The following PNMA8A variants were observed in gnomAD, a reference collection of about 807,000 sequenced individuals.
PNMA8A encodes the protein PNMA family member 8A.
Under a neutral mutation model 26.6 loss-of-function variants are expected in PNMA8A, and 17 were observed. The observed-to-expected ratio is 0.64, with a 90% CI of 0.44 to 0.96. PNMA8A has a LOEUF of 0.96. Ranked by LOEUF, PNMA8A falls within the 40% of genes least tolerant of loss-of-function variation. The pLI, the probability that PNMA8A is intolerant of heterozygous loss-of-function variation, is 0.00. For missense variants in PNMA8A, 532 were observed against 488.4 expected (o/e 1.09, Z -0.84); for synonymous variants, 224 against 182.0 (o/e 1.23, Z -1.86).
At position 46,468,560 on chromosome 19, in the gene PNMA8A, ATCAAACCTT is replaced by A; in HGVS notation, c.1312_1320del (p.Lys438_Ter440delextTer7). On this transcript the variant is annotated stop_lost and inframe_deletion, in exon 3 of 3. Transcript: ENST00000313683. Reference sequence around the variant, plus strand: ...CTCCTCAGTATGGGTGGTCCCCCAGATCAAACCTTTCTGGATTCTGCAAATAAATGAGAG... The same window carrying A: ...CTCCTCAGTATGGGTGGTCCCCCAGATCTGGATTCTGCAAATAAATGAGAG... 1 of 1,613,112 alleles carries A rather than the reference ATCAAACCTT, an allele frequency of 6.2e-7. No homozygotes were observed. The highest frequency in any genetic ancestry group is 8.5e-7 in the Non-Finnish European group (1 of 1,179,074).
In PNMA8A at chr19:46,470,250, G is replaced by A; in HGVS notation, c.786C>T (p.Gly262=). The change falls in exon 2 of 3, where the codon GGC becomes GGT. Residue 262 remains glycine, a synonymous_variant. Transcript: ENST00000313683. ...AGTTAGCTGTGCTGTTGGAATTGAT[G>A]CCTTTGGGTTTTTTCCAGGGCACTG... is the stretch of plus-strand genomic sequence containing the variant. ...QEAVPWKKPK[G]INSNSTANLE... 1 of 1,614,046 alleles carries A rather than the reference G, an allele frequency of 6.2e-7. No homozygotes were observed. Among genetic ancestry groups the A allele is most frequent in the South Asian group, 1.1e-5 (1 of 91,084 alleles).
In PNMA8A at chr19:46,470,919, A is replaced by G; in HGVS notation, c.117T>C (p.Ile39=). ...GIPEDCGQAE[I]EETLNGVLSP... ...AGAGGACCCCATTCAAGGTCTCCTCAATTTCTGCCTGCCCACAGTCCTCTG... is the reference window on the plus strand; with the variant it reads ...AGAGGACCCCATTCAAGGTCTCCTCGATTTCTGCCTGCCCACAGTCCTCTG... Residue 39 remains isoleucine, a synonymous_variant, in exon 2 of 3, where the codon ATT becomes ATC. Coordinates refer to ENST00000313683, the MANE Select transcript of PNMA8A (RefSeq NM_018215.4). 2 of 780,930 alleles carry G rather than the reference A, an allele frequency of 2.6e-6. No individual in the cohort carries two copies. Among genetic ancestry groups the G allele is most frequent in the Non-Finnish European group, 4.8e-6 (2 of 418,106 alleles). The allele number at this position is 780,930 out of a possible 1,614,324, so 48.4% of individuals were successfully genotyped here. A position where few individuals can be genotyped will look rare whatever the true frequency, so the allele number is the denominator to read the frequency against.
Position 46,470,709 on chromosome 19 carries a change from AT to A in PNMA8A, c.326del (p.Asn109IlefsTer2). The A allele has an allele frequency of 9.4e-7, 1 of 1,058,908 alleles. No individual in the cohort carries two copies. The highest frequency in any genetic ancestry group is 1.5e-6 in the Non-Finnish European group (1 of 672,336). The allele number at this position is 1,058,908 out of a possible 1,614,324, so 65.6% of individuals were successfully genotyped here. ...CCTCGGCATCCAGGAATTCATTCAG[AT>A]TTTTTAAAAACTCGGCATCCTGGGT... The part of the protein sequence containing the change: ...DPTQDAEFLK[N>X]LNEFLDAEGR... On this transcript the variant is annotated frameshift_variant, in exon 2 of 3. Transcript: ENST00000313683. LOFTEE classifies it high-confidence loss of function.
chr19:46,467,108 G>A lies in PNMA8A; in HGVS notation c.*1453C>T, dbSNP rs1432618209. ...GAAACTCAATTTTAAGCAAAGAGAT[G>A]CCTGAAATAACTAAGACGTGTACAA... On this transcript the variant is annotated 3_prime_UTR_variant, in exon 3 of 3. Coordinates refer to ENST00000313683, the MANE Select transcript of PNMA8A (RefSeq NM_018215.4). The A allele has an allele frequency of 1.3e-5, 2 of 152,162 alleles. No homozygotes were observed. The highest frequency in any genetic ancestry group is 2.9e-5 in the Non-Finnish European group (2 of 68,032). The allele number at this position is 152,162 out of a possible 1,614,324, so 9.4% of individuals were successfully genotyped here.
rs1969709952 is a variant in PNMA8A, at chr19:46,466,591, C to T, written c.*1970G>A. 1 of 152,056 alleles carries T rather than the reference C, an allele frequency of 6.6e-6. No homozygotes were observed. 9.4% of individuals were successfully genotyped at this position (152,056 alleles called of 1,614,324 possible). A position where few individuals can be genotyped will look rare whatever the true frequency, so the allele number is the denominator to read the frequency against. On this transcript the variant is annotated 3_prime_UTR_variant, in exon 3 of 3. Transcript: ENST00000313683. ...TTAACACAACGAAGCCCTAATGGAC[C>T]CGTTTTGAAATTAGAAGCTGGACAG...
At position 46,468,385 on chromosome 19, in the gene PNMA8A, C is replaced by T; in HGVS notation, c.*176G>A. On this transcript the variant is annotated 3_prime_UTR_variant, in exon 3 of 3. Transcript: ENST00000313683. ...GAGAAAAGGGCATAGAGATCCACCT[C>T]CCTTCCCCAACTCCCTCCCACCCAA... The T allele has an allele frequency of 1.8e-6, 1 of 567,948 alleles. No individual in the cohort carries two copies. The highest frequency in any genetic ancestry group is 3.1e-5 in the South Asian group (1 of 32,514). 35.2% of individuals were successfully genotyped at this position (567,948 alleles called of 1,614,324 possible). A position where few individuals can be genotyped will look rare whatever the true frequency, so the allele number is the denominator to read the frequency against.
chr19:46,470,135 ACTC>A lies in PNMA8A; in HGVS notation c.898_900del (p.Glu300del), dbSNP rs1969765025. The A allele has an allele frequency of 1.2e-6, 2 of 1,611,166 alleles. No homozygotes were observed. Among genetic ancestry groups the A allele is most frequent in the Admixed American group, 1.7e-5 (1 of 59,510 alleles). On this transcript the variant is annotated inframe_deletion, in exon 2 of 3. Transcript: ENST00000313683. ...TTCGCCATGGGCTTCTTCAAAGCCA[ACTC>A]CTCCTTATTCACACAGGGCTTTCTG...
Position 46,470,880 on chromosome 19 carries a change from CG to C in PNMA8A, c.155del (p.Pro52ArgfsTer10). On this transcript the variant is annotated frameshift_variant, in exon 2 of 3. Coordinates refer to ENST00000313683, the MANE Select transcript of PNMA8A (RefSeq NM_018215.4). LOFTEE classifies it high-confidence loss of function. ...CAAAAATCTTGTTGAGCACGCGGTA[CG>C]GGCCCAGTGGGGAGAGGACCCCATT... Reference protein sequence around the residue: ...TLNGVLSPLGPYRVLNKIFVR... With the variant: ...TLNGVLSPLGXYRVLNKIFVR... The C allele has an allele frequency of 1.3e-6, 1 of 781,006 alleles. No homozygotes were observed. 48.4% of individuals were successfully genotyped at this position (781,006 alleles called of 1,614,324 possible). A position where few individuals can be genotyped will look rare whatever the true frequency, so the allele number is the denominator to read the frequency against.
rs763788621 is a variant in PNMA8A, at chr19:46,470,801, GATTCACAC to G, written c.227_234del (p.Gly76AlafsTer7). ...GGGAATTCACGGGGGATGGTGCTCA[GATTCACAC>G]CTTCACCAACCTCAATGAGGGCAGC... On this transcript the variant is annotated frameshift_variant, in exon 2 of 3. Coordinates refer to ENST00000313683, the MANE Select transcript of PNMA8A (RefSeq NM_018215.4). LOFTEE classifies it high-confidence loss of function. 1 of 782,302 alleles carries G rather than the reference GATTCACAC, an allele frequency of 1.3e-6. No homozygotes were observed. Among genetic ancestry groups the G allele is most frequent in the African/African-American group, 1.7e-5 (1 of 59,174 alleles). 48.5% of individuals were successfully genotyped at this position (782,302 alleles called of 1,614,324 possible). A position where few individuals can be genotyped will look rare whatever the true frequency, so the allele number is the denominator to read the frequency against.
chr19:46,470,180 C>T lies in PNMA8A; in HGVS notation c.856G>A (p.Glu286Lys), dbSNP rs1486045206. 6.2e-7 allele frequency: 1 copy of T among 1,614,202 alleles called. No individual in the cohort carries two copies. The highest frequency in any genetic ancestry group is 2.2e-5 in the East Asian group (1 of 44,874). The change falls in exon 2 of 3, where the codon GAG (glutamate) becomes AAG (lysine). Residue 286 changes from glutamate to lysine, a missense_variant. Coordinates refer to ENST00000313683, the MANE Select transcript of PNMA8A (RefSeq NM_018215.4). The part of the protein sequence containing the change: ...VGDAESMAIS[E>K]PIKGSRKPCV... Reference sequence around the variant, plus strand: ...GGCTTTCTGCTGCCCTTGATCGGCTCTGAGATCGCCATGCTTTCAGCATCA... The same window carrying T: ...GGCTTTCTGCTGCCCTTGATCGGCTTTGAGATCGCCATGCTTTCAGCATCA...
Position 46,468,234 on chromosome 19 carries a change from G to GT in PNMA8A, c.*326dup, listed in dbSNP as rs1199342353. On this transcript the variant is annotated 3_prime_UTR_variant, in exon 3 of 3. Transcript: ENST00000313683. ...GGAGAAAAGCTGAACATGGATGAGT[G>GT]TAACAGTGACCCTGCTCATGCATAA... 2.6e-5 allele frequency: 9 copies of GT among 351,554 alleles called. No individual in the cohort carries two copies. The highest frequency in any genetic ancestry group is 2.3e-4 in the East Asian group (5 of 22,102). 21.8% of individuals were successfully genotyped at this position (351,554 alleles called of 1,614,324 possible).
At position 46,468,176 on chromosome 19, in the gene PNMA8A, G is replaced by A. The variant is rs976456935; in HGVS notation, c.*385C>T. On this transcript the variant is annotated 3_prime_UTR_variant, in exon 3 of 3. Transcript: ENST00000313683. ...CCAAATGCCAGGGCCTGCAGAGGTC[G>A]CTGACCATTCCGAGGAGGGAGCAAG... The A allele has an allele frequency of 4.9e-6, 1 of 204,436 alleles. No homozygotes were observed. Among genetic ancestry groups the A allele is most frequent in the Non-Finnish European group, 9.8e-6 (1 of 102,368 alleles). The allele number at this position is 204,436 out of a possible 1,614,324, so 12.7% of individuals were successfully genotyped here.
intron 2 of PNMA8A, among the ~76,000 whole-genome samples, chr19:46,469,033 A>G (rs543561307): frequency 1.7e-4 from 25 of 151,428 alleles, no homozygotes; most frequent in Admixed American, 5.9e-4. Flanking sequence ...ATGGGGTTTC[A>G]CCATGTTGGC....
Position 46,468,424 on chromosome 19 carries a change from G to A in PNMA8A, c.*137C>T, listed in dbSNP as rs148794172. 26 of 716,196 alleles carry A rather than the reference G, an allele frequency of 3.6e-5. No homozygotes were observed. The highest frequency in any genetic ancestry group is 6.2e-5 in the Admixed American group (3 of 48,354). 44.4% of individuals were successfully genotyped at this position (716,196 alleles called of 1,614,324 possible). On this transcript the variant is annotated 3_prime_UTR_variant, in exon 3 of 3. Coordinates refer to ENST00000313683, the MANE Select transcript of PNMA8A (RefSeq NM_018215.4). ...CCTCCCACCCAAGACCTCACCTATC[G>A]TTTACCTCAGGGCCAGATCTCTATC...
rs540114131 is a variant in PNMA8A at position 46,467,231 on chromosome 19, G to A, written c.*1330C>T. On this transcript the variant is annotated 3_prime_UTR_variant, in exon 3 of 3. Transcript: ENST00000313683. ...TCACTTTTCAGTTTTTTAAACACGT[G>A]AGAAAAATAGATTTGGATTACATCT... The A allele has an allele frequency of 2.6e-5, 4 of 152,260 alleles. No homozygotes were observed. Among genetic ancestry groups the A allele is most frequent in the Admixed American group, 2.6e-4 (4 of 15,284 alleles). 9.4% of individuals were successfully genotyped at this position (152,260 alleles called of 1,614,324 possible). A position where few individuals can be genotyped will look rare whatever the true frequency, so the allele number is the denominator to read the frequency against.
intron 2 of PNMA8A, 56 bp from the exon 3 acceptor site, chr19:46,468,633 A>G: frequency 7.0e-7 from 1 of 1,438,648 alleles, no homozygotes. Context: ...GTCATTAGGA[A>G]ATGCATTACT....
rs73552938 is a variant in PNMA8A at position 46,470,436 on chromosome 19, C to T, written c.600G>A (p.Pro200=). The part of the protein sequence containing the change: ...LAAGRKVKKE[P]GLAAEVGSAL... ...CAGAACCCACCTCTGCTGCAAGCCC[C>T]GGTTCTTTCTTCACCTTCCTCCCTG... is the stretch of plus-strand genomic sequence containing the variant. The change falls in exon 2 of 3, where the codon CCG becomes CCA. Residue 200 remains proline (P), a synonymous_variant. Coordinates refer to ENST00000313683, the MANE Select transcript of PNMA8A (RefSeq NM_018215.4). The T allele has an allele frequency of 3.2e-3, 5,242 of 1,614,050 alleles. 115 individuals are homozygous for T. The African/African-American group carries it at 0.058, about 18-fold the overall frequency.
In PNMA8A at chr19:46,468,324, G is replaced by C; in HGVS notation, c.*237C>G. Reference sequence around the variant, plus strand: ...CAACTCTCCTGCCTCCGAAGAGAAGGTGAGTAGAGAAGGCGGTGAAACGGC... The same window carrying C: ...CAACTCTCCTGCCTCCGAAGAGAAGCTGAGTAGAGAAGGCGGTGAAACGGC... On this transcript the variant is annotated 3_prime_UTR_variant, in exon 3 of 3. Coordinates refer to ENST00000313683, the MANE Select transcript of PNMA8A (RefSeq NM_018215.4). The C allele has an allele frequency of 2.0e-6, 1 of 495,808 alleles. No homozygotes were observed. The highest frequency in any genetic ancestry group is 3.6e-6 in the Non-Finnish European group (1 of 275,426). 30.7% of individuals were successfully genotyped at this position (495,808 alleles called of 1,614,324 possible).
Position 46,470,604 on chromosome 19 carries a change from C to A in PNMA8A, c.432G>T (p.Glu144Asp). ...GCACCCCCAGAGCTTCTGCCCAGTT[C>A]TCTGGGGGCTGATGCTGGTTCTGGG... ...TLSQNQHQPP[E>D]NWAEALGVLL... Residue 144 changes from glutamate (E) to aspartate (D), a missense_variant, in exon 2 of 3, where the codon GAG becomes GAT. Physicochemically the swap from Glu to Asp is conservative, Grantham distance 45. Transcript: ENST00000313683. 6.2e-7 allele frequency: 1 copy of A among 1,613,322 alleles called. No homozygotes were observed.
Sources: allele counts gnomAD v4.1 joint callset (sites outside exome capture counted in the v4.1 genomes callset), GRCh38; gene constraint gnomAD v4.1.1; transcripts MANE v1.5; gene names NCBI Gene and HGNC (gene_info 2026-07-23, HGNC 2026-07-21).